Variants in PRDM6 observed in about 807,000 individuals in gnomAD.
The protein encoded by PRDM6 is PR/SET domain 6.
A neutral mutation model predicts 60.8 loss-of-function variants in PRDM6; 25 were observed. The observed-to-expected ratio is 0.41, with a 90% CI of 0.30 to 0.57. The LOEUF is 0.57. Ranked by LOEUF, PRDM6 falls within the 20% of genes least tolerant of loss-of-function variation. The pLI is 0.27. For synonymous variants in PRDM6, 407 were observed against 357.4 expected (o/e 1.14, Z -1.57); for missense variants, 839 against 821.3 (o/e 1.02, Z -0.26).
At chr5:123,186,186 C>A (rs2126894707) in intron 7 of PRDM6, among the ~76,000 whole-genome samples, 1 of 152,224 alleles carries the variant, frequency 6.6e-6, no homozygotes, top group African/African-American at 2.4e-5. Flanking sequence ...TTTACACACA[C>A]AATCACAATC....
At chr5:123,141,778 A>G (rs889017385) in intron 3 of PRDM6, among the ~76,000 whole-genome samples, 9 of 152,150 alleles carry the variant, frequency 5.9e-5, no homozygotes, top group African/African-American at 2.2e-4. Context: ...AATAGAAAAT[A>G]ATGATAATGG....
At chr5:123,119,346 G>A (rs928377145) in intron 3 of PRDM6, among the ~76,000 whole-genome samples, 3 of 152,172 alleles carry the variant, frequency 2.0e-5, no homozygotes, top group Non-Finnish European at 4.4e-5. Flanking sequence ...AGAAGAGGAC[G>A]TGGGCAAAAT....
intron 3 of PRDM6, among the ~76,000 whole-genome samples, chr5:123,151,628 G>A (rs1230696481): frequency 6.6e-6 from 1 of 152,152 alleles, no homozygotes; most frequent in Non-Finnish European, 1.5e-5. Flanking sequence ...GGTCTCTGAG[G>A]TCCCTTCCAA....
chr5:123,092,437 A>G (rs1400031244), intron 2 of PRDM6, among the ~76,000 whole-genome samples: 1 of 152,212 alleles, frequency 6.6e-6, no homozygotes, highest in African/African-American at 2.4e-5. Context: ...GAGCTCCTGT[A>G]CTGTTTACAA....
rs201869616 is a variant in PRDM6 at position 123,170,775 on chromosome 5, C to T, written c.1163C>T (p.Pro388Leu). 1,646 of 1,549,362 alleles carry T rather than the reference C, an allele frequency of 1.1e-3. No homozygotes were observed. Among genetic ancestry groups the T allele is most frequent in the Non-Finnish European group, 1.3e-3 (1,543 of 1,145,558 alleles). Residue 388 changes from proline (P) to leucine (L), a missense_variant, in exon 6 of 8, where the codon CCT becomes CTT. Coordinates refer to ENST00000407847, the MANE Select transcript of PRDM6 (RefSeq NM_001136239.4). Reference sequence around the variant, plus strand: ...GTTGCTATTCTCCTAGTAAATGTCCCTTCAACGGTAATGGAAGCCATGTGC... The same window carrying T: ...GTTGCTATTCTCCTAGTAAATGTCCTTTCAACGGTAATGGAAGCCATGTGC... ...CIAQDENLNV[P>L]STVMEAMCRQ...
At chr5:123,112,299 T>C (rs1167989998) in intron 3 of PRDM6, among the ~76,000 whole-genome samples, 1 of 152,216 alleles carries the variant, frequency 6.6e-6, no homozygotes, top group Non-Finnish European at 1.5e-5. Flanking sequence ...CCAGCGACAC[T>C]GGCCTTTCCA....
chr5:123,138,127 G>C (rs1273606431), intron 3 of PRDM6, among the ~76,000 whole-genome samples: 1 of 151,974 alleles, frequency 6.6e-6, no homozygotes. Context: ...ATGATTTCTT[G>C]CCCAAAGAAA....
At chr5:123,168,350 G>A (rs920061774) in intron 5 of PRDM6, among the ~76,000 whole-genome samples, 7 of 151,794 alleles carry the variant, frequency 4.6e-5, no homozygotes, top group African/African-American at 1.5e-4. Flanking sequence ...TTTAAATTTC[G>A]AAACACAGCT....
At chr5:123,096,941 G>C (rs891397146) in intron 2 of PRDM6, among the ~76,000 whole-genome samples, 10 of 152,124 alleles carry the variant, frequency 6.6e-5, no homozygotes, top group Non-Finnish European at 1.3e-4. Context: ...CACGTGTGGA[G>C]AAGCATGTTG....
Position 123,092,986 on chromosome 5 carries a change from A to T in PRDM6, c.592+2380A>T, listed in dbSNP as rs1463733369. Among the ~76,000 whole-genome samples, 3 of 152,206 alleles carry T rather than the reference A, an allele frequency of 2.0e-5. No individual in the cohort carries two copies. In the East Asian group the frequency reaches 5.8e-4, roughly 29 times the overall value. ...TTCCTTTGGCAGGGGAAGTTGGCAT[A>T]ATGGTTATTGAAAGGCTGTGAAAAA... On this transcript the variant is annotated intron_variant, in intron 2 of 7. Coordinates refer to ENST00000407847, the MANE Select transcript of PRDM6 (RefSeq NM_001136239.4).
Position 123,156,010 on chromosome 5 carries a change from A to G in PRDM6, c.1027A>G (p.Arg343Gly). 4 of 1,549,918 alleles carry G rather than the reference A, an allele frequency of 2.6e-6. No individual in the cohort carries two copies. Among genetic ancestry groups the G allele is most frequent in the Non-Finnish European group, 3.5e-6 (4 of 1,146,294 alleles). The change falls in exon 4 of 8, where the codon AGG becomes GGG. Residue 343 changes from arginine to glycine, a missense_variant and splice_region_variant. Arg to Gly is a moderately radical substitution (Grantham distance 125). Around this residue, in one of 2 missense-constraint regions of PRDM6, gnomAD observed 730 missense variants for 648.8 expected, o/e 1.13. Transcript: ENST00000407847. ...ACAGAATCTAACAGTAGTTCAGTAC[A>G]GGTAAAGTATATCTTGATTTACCAC... is the stretch of plus-strand genomic sequence containing the variant. The part of the protein sequence containing the change: ...GEQNLTVVQY[R>G]SNIFYRACID...
At chr5:123,102,520 C>T (rs57537705) in intron 3 of PRDM6, among the ~76,000 whole-genome samples, 3,018 of 151,974 alleles carry the variant, frequency 0.02, 88 homozygotes, top group African/African-American at 0.069. Context: ...GTAGGTCTAT[C>T]GGAAATGTTT....
At chr5:123,115,041 G>A (rs917348649) in intron 3 of PRDM6, among the ~76,000 whole-genome samples, 1 of 152,162 alleles carries the variant, frequency 6.6e-6, no homozygotes, top group African/African-American at 2.4e-5. Context: ...AGGTCTGCTT[G>A]GGTGAGGGTA....
intron 3 of PRDM6, among the ~76,000 whole-genome samples, chr5:123,101,109 G>T (rs746519510): frequency 9.2e-5 from 14 of 152,130 alleles, no homozygotes; most frequent in Non-Finnish European, 1.8e-4. Context: ...TTCACTGTGA[G>T]CTGCCTTATA....
At chr5:123,144,005 T>C (rs138763844) in intron 3 of PRDM6, among the ~76,000 whole-genome samples, 10 of 152,290 alleles carry the variant, frequency 6.6e-5, no homozygotes, top group African/African-American at 2.2e-4. Flanking sequence ...TCTCTGTGAT[T>C]GTATGCATAA....
Position 123,090,411 on chromosome 5 carries a change from C to G in PRDM6, c.397C>G (p.Pro133Ala). 1 of 1,457,728 alleles carries G rather than the reference C, an allele frequency of 6.9e-7. No homozygotes were observed. The highest frequency in any genetic ancestry group is 9.0e-7 in the Non-Finnish European group (1 of 1,111,902). The allele number at this position is 1,457,728 out of a possible 1,614,324, so 90.3% of individuals were successfully genotyped here. A position where few individuals can be genotyped will look rare whatever the true frequency, so the allele number is the denominator to read the frequency against. Reference sequence around the variant, plus strand: ...CGCTGCCGTCGCCGCCGAGCCGCTGCCCCCCAAGGAACTGTGCCTCGGCGC... The same window carrying G: ...CGCTGCCGTCGCCGCCGAGCCGCTGGCCCCCAAGGAACTGTGCCTCGGCGC... ...AAAAVAAEPL[P>A]PKELCLGATS... The change falls in exon 2 of 8, where the codon CCC becomes GCC. Residue 133 changes from proline (P) to alanine (A), a missense_variant. By Grantham distance (27) the Pro-to-Ala change is conservative (BLOSUM62 -1). Transcript: ENST00000407847.
chr5:123,147,279 A>AGAGAGAGAGAGAGAG (rs1561853112), intron 3 of PRDM6, among the ~76,000 whole-genome samples: 2 of 147,484 alleles, frequency 1.4e-5, no homozygotes, highest in African/African-American at 5.0e-5. Context: ...TGATACTAAA[A>AGAGAGAGAGAGAGAG]AGAGAGAGAG....
chr5:123,174,306 C>A (rs1394618752), intron 6 of PRDM6, among the ~76,000 whole-genome samples: 1 of 152,156 alleles, frequency 6.6e-6, no homozygotes, highest in African/African-American at 2.4e-5. Flanking sequence ...GATCAGCTGG[C>A]CTTTAGTCTT....
intron 3 of PRDM6, among the ~76,000 whole-genome samples, chr5:123,145,316 A>C (rs953956745): frequency 6.6e-6 from 1 of 152,188 alleles, no homozygotes; most frequent in Non-Finnish European, 1.5e-5. Context: ...TCTCTCACCT[A>C]TGGCACTGTA....
Sources: gnomAD v4.1 joint callset for allele counts (sites outside exome capture counted in the v4.1 genomes callset) on GRCh38, gnomAD v4.1.1 for gene constraint, gnomAD v4.1.1 regional missense constraint, MANE v1.5 for transcripts, NCBI Gene and HGNC (gene_info 2026-07-23, HGNC 2026-07-21) for gene names.